Variants in TACC2 observed in about 807,000 individuals in gnomAD.
TACC2 encodes the protein transforming acidic coiled-coil containing protein 2, also known as transforming acidic coiled-coil-containing protein 2.
In TACC2, 137 loss-of-function variants were observed where a neutral mutation model predicts 227.3. The ratio of observed to expected loss-of-function variants is 0.60; its 90% CI spans 0.52 to 0.69. The LOEUF (loss-of-function observed/expected upper bound fraction) is 0.69, where lower values mean the gene tolerates loss of function less well. Ranked by LOEUF, TACC2 falls within the 30% of genes least tolerant of loss-of-function variation. The pLI is 0.00. For synonymous variants in TACC2, 1,523 were observed against 1,487.5 expected (o/e 1.02, Z -0.55); for missense variants, 3,470 against 3,694.4 (o/e 0.94, Z 1.57).
chr10:122,052,886 C>G lies in TACC2; in HGVS notation c.146+2336C>G, dbSNP rs139107395. On this transcript the variant is annotated intron_variant, in intron 3 of 22. Transcript: ENST00000369005. ...CTGACAGTGAGTCCATCGCTCCTGA[C>G]GGAGCAGGGCTCCTGTGTGCGGTTT... Among the ~76,000 whole-genome samples the G allele has an allele frequency of 4.1e-3, 621 of 152,338 alleles. 2 individuals carry two copies. In the South Asian group the frequency reaches 0.044, roughly 11 times the overall value.
chr10:122,194,746 C>T lies in TACC2; in HGVS notation c.5835-294C>T, dbSNP rs970125139. Among the ~76,000 whole-genome samples the T allele has an allele frequency of 3.9e-5, 6 of 152,146 alleles. No homozygotes were observed. Among genetic ancestry groups the T allele is most frequent in the South Asian group, 2.1e-4 (1 of 4,824 alleles). The stretch of plus-strand genomic sequence containing the variant: ...TTGAATCAATACCTAATAATGAACG[C>T]GTGCGGAAGTTCATCCAGAGTCCGC... On this transcript the variant is annotated intron_variant, in intron 7 of 22. Transcript: ENST00000369005. The surrounding 1 kb of genome is among the most constrained non-coding windows in gnomAD (Gnocchi z 4.4).
At chr10:122,187,243 A>G (rs982207123) in intron 7 of TACC2, among the ~76,000 whole-genome samples, 10 of 152,222 alleles carry the variant, frequency 6.6e-5, no homozygotes, top group Admixed American at 2.6e-4. Context: ...TTCTGGAAGC[A>G]GTCCCTTGGC....
At chr10:122,229,750 T>C (rs1193215504) in intron 15 of TACC2, among the ~76,000 whole-genome samples, 3 of 152,174 alleles carry the variant, frequency 2.0e-5, no homozygotes, top group Non-Finnish European at 2.9e-5. Flanking sequence ...TTTAGAAGCA[T>C]TGATAGCCCC....
chr10:122,019,547 G>T lies in TACC2; in HGVS notation c.-45-2390G>T, dbSNP rs192846696. Among the ~76,000 whole-genome samples, 7 of 152,350 alleles carry T rather than the reference G, an allele frequency of 4.6e-5. No individual in the cohort carries two copies. In the East Asian group the frequency reaches 1.4e-3, roughly 29 times the overall value. On this transcript the variant is annotated intron_variant, in intron 1 of 22. Transcript: ENST00000369005. ...TGCGGCCAATCAGATGGCAGGGGCCGCTTTAGTTTGGATAAGCCTTTTCTG... is the reference window on the plus strand; with the variant it reads ...TGCGGCCAATCAGATGGCAGGGGCCTCTTTAGTTTGGATAAGCCTTTTCTG...
At chr10:122,067,160 T>C (rs2077475324) in intron 3 of TACC2, among the ~76,000 whole-genome samples, 1 of 151,530 alleles carries the variant, frequency 6.6e-6, no homozygotes, top group African/African-American at 2.4e-5. Context: ...TAGATCCTGA[T>C]TACCATTTTG....
chr10:122,112,270 A>C (rs2138046169), intron 5 of TACC2, among the ~76,000 whole-genome samples: 1 of 152,302 alleles, frequency 6.6e-6, no homozygotes, highest in African/African-American at 2.4e-5. Flanking sequence ...TTGGCAGGTA[A>C]GCACCACTTC....
In TACC2 at chr10:122,194,933, C is replaced by A; in HGVS notation, c.5835-107C>A. On this transcript the variant is annotated intron_variant, in intron 7 of 22. Coordinates refer to ENST00000369005, the MANE Select transcript of TACC2 (RefSeq NM_206862.4). The surrounding 1 kb of genome is among the most constrained non-coding windows in gnomAD (Gnocchi z 4.4). ...TCTCATCTGTCCCTGCACAGTTTAACTGAGCAGCGAGCCAGAACCCACTGG... is the reference window on the plus strand; with the variant it reads ...TCTCATCTGTCCCTGCACAGTTTAAATGAGCAGCGAGCCAGAACCCACTGG... 8.5e-7 allele frequency: 1 copy of A among 1,172,064 alleles called. No homozygotes were observed. Among genetic ancestry groups the A allele is most frequent in the Non-Finnish European group, 1.2e-6 (1 of 820,654 alleles). The allele number at this position is 1,172,064 out of a possible 1,614,324, so 72.6% of individuals were successfully genotyped here.
intron 2 of TACC2, among the ~76,000 whole-genome samples, chr10:122,027,408 C>G (rs1294161729): frequency 6.6e-6 from 1 of 152,014 alleles, no homozygotes; most frequent in Non-Finnish European, 1.5e-5. Context: ...TTCTTATTCT[C>G]TTGAGGTTGA....
At chr10:122,189,017 A>C (rs1205987242) in intron 7 of TACC2, among the ~76,000 whole-genome samples, 1 of 152,102 alleles carries the variant, frequency 6.6e-6, no homozygotes, top group Non-Finnish European at 1.5e-5. Flanking sequence ...GCTTGTGTTG[A>C]AATCATGTTC....
chr10:122,170,796 G>A (rs1592881840), intron 7 of TACC2, among the ~76,000 whole-genome samples: 2 of 152,178 alleles, frequency 1.3e-5, no homozygotes, highest in Admixed American at 6.5e-5. Flanking sequence ...TGTTCACCAG[G>A]ATCTGGTCGC....
chr10:122,003,042 A>T (rs956866504), intron 1 of TACC2, among the ~76,000 whole-genome samples: 8 of 152,102 alleles, frequency 5.3e-5, no homozygotes, highest in African/African-American at 7.2e-5. Flanking sequence ...GTCTCTACTA[A>T]AACTACAAAA....
At chr10:121,999,274 A>G (rs1412359864) in intron 1 of TACC2, among the ~76,000 whole-genome samples, 1 of 152,174 alleles carries the variant, frequency 6.6e-6, no homozygotes, top group African/African-American at 2.4e-5. Context: ...AAGTGGGACA[A>G]AGATTTTCAT....
chr10:122,093,627 T>A (rs78580708), intron 5 of TACC2, among the ~76,000 whole-genome samples: 18 of 152,324 alleles, frequency 1.2e-4, no homozygotes, highest in African/African-American at 4.3e-4. Context: ...GTTAGACAGA[T>A]GCATTCACAT....
intron 7 of TACC2, among the ~76,000 whole-genome samples, chr10:122,164,874 T>C (rs2093059352): frequency 6.6e-6 from 1 of 152,150 alleles, no homozygotes; most frequent in Admixed American, 6.5e-5. Context: ...TAAAGTGGGT[T>C]CTTAAGAGTC....
intron 5 of TACC2, among the ~76,000 whole-genome samples, chr10:122,092,254 CCT>C (rs1165235179): frequency 2.6e-5 from 4 of 152,134 alleles, no homozygotes; most frequent in African/African-American, 9.7e-5. Flanking sequence ...TTTTTTACCC[CCT>C]ACTGCACAGC....
intron 1 of TACC2, among the ~76,000 whole-genome samples, chr10:122,015,393 T>A (rs1197204540): frequency 6.6e-6 from 1 of 151,904 alleles, no homozygotes; most frequent in East Asian, 1.9e-4. Flanking sequence ...TAGTCTCAGC[T>A]ACTCAGGAGG....
At chr10:122,168,254 C>G (rs2093297765) in intron 7 of TACC2, among the ~76,000 whole-genome samples, 1 of 152,202 alleles carries the variant, frequency 6.6e-6, no homozygotes, top group South Asian at 2.1e-4. Context: ...TGGCTAAATG[C>G]TTTAGCTTAA....
intron 2 of TACC2, among the ~76,000 whole-genome samples, chr10:122,030,034 G>T (rs970954121): frequency 6.6e-6 from 1 of 152,060 alleles, no homozygotes; most frequent in Non-Finnish European, 1.5e-5. Context: ...GGTAGGTAGA[G>T]GTCAGTGTTG....
rs2095281604 is a variant in TACC2 at position 122,211,093 on chromosome 10, T to A, written c.6668T>A (p.Val2223Glu). 6.2e-7 allele frequency: 1 copy of A among 1,612,418 alleles called. No individual in the cohort carries two copies. The highest frequency in any genetic ancestry group is 1.3e-5 in the African/African-American group (1 of 74,820). ...CCCCCGGCTTCTGGAGGTGGCAGAG[T>A]GCAGAACTCACCCCCTGTCGGGAGG... ...VVPPASGGGR[V>E]QNSPPVGRKT... is the part of the protein sequence containing the mutation. Residue 2223 changes from valine (V) to glutamate (E), a missense_variant, in exon 9 of 23, where the codon GTG becomes GAG. By Grantham distance (121) the Val-to-Glu change is moderately radical (BLOSUM62 -2). This residue lies in a region of TACC2 where 593 missense variants were observed against 636.6 expected (regional missense o/e 0.93). Coordinates refer to ENST00000369005, the MANE Select transcript of TACC2 (RefSeq NM_206862.4).
Sources: gnomAD v4.1 joint callset for allele counts (sites outside exome capture counted in the v4.1 genomes callset) on GRCh38, gnomAD v4.1.1 for gene constraint, gnomAD v4.1.1 regional missense constraint, Gnocchi (gnomAD v3.1) non-coding constraint, MANE v1.5 for transcripts, NCBI Gene and HGNC (gene_info 2026-07-23, HGNC 2026-07-21) for gene names.